Variants in IL1RAPL1 observed in about 807,000 individuals in gnomAD.
IL1RAPL1 encodes interleukin 1 receptor accessory protein like 1, also known as interleukin-1 receptor accessory protein-like 1.
A neutral mutation model predicts 48.4 loss-of-function variants in IL1RAPL1; 3 were observed. That is an observed-to-expected ratio of 0.06 (90% CI 0.03 to 0.16). The LOEUF is 0.16. Ranked by LOEUF, IL1RAPL1 falls within the 10% of genes least tolerant of loss-of-function variation. The pLI, the probability that IL1RAPL1 is intolerant of heterozygous loss-of-function variation, is 1.00. For synonymous variants in IL1RAPL1, 185 were observed against 187.7 expected, an observed-to-expected ratio of 0.99 and a Z score of 0.12; for missense variants, 349 against 530.6, an observed-to-expected ratio of 0.66 and a Z score of 3.36.
chrX:29,770,831 CA>C lies in IL1RAPL1; in HGVS notation c.778+102330del, dbSNP rs1356100728. Among the ~76,000 whole-genome samples, 19 of 112,401 alleles carry C rather than the reference CA, an allele frequency of 1.7e-4. 1 individual carries two copies. In the South Asian group the frequency reaches 4.8e-3, roughly 28 times the overall value. On this transcript the variant is annotated intron_variant, in intron 6 of 10. Transcript: ENST00000378993. ...ATCTCTAACATACAACTTCCAGATT[CA>C]AATTTGCAGATCTACCATTGTTATC...
Position 29,048,487 on chromosome X carries a change from C to G in IL1RAPL1, c.83-234451C>G, listed in dbSNP as rs766840680. On this transcript the variant is annotated intron_variant, in intron 2 of 10. Coordinates refer to ENST00000378993, the MANE Select transcript of IL1RAPL1 (RefSeq NM_014271.4). ...TTTACATATGCTTCTCCATGTGATT[C>G]CAATTTTAGCATACAAATCTTTTAT... 7.2e-5 allele frequency among the ~76,000 whole-genome samples: 8 copies of G among 111,750 alleles called. No individual in the cohort carries two copies. The South Asian group carries it at 3.0e-3, about 42-fold the overall frequency.
intron 6 of IL1RAPL1, among the ~76,000 whole-genome samples, chrX:29,911,310 C>T (rs970604329): frequency 9.0e-6 from 1 of 111,541 alleles, no homozygotes; most frequent in Non-Finnish European, 1.9e-5. Context: ...GAAGTAGATT[C>T]GTAGTTGCTA....
intron 3 of IL1RAPL1, among the ~76,000 whole-genome samples, chrX:29,286,038 T>C (rs1932278963): frequency 8.9e-6 from 1 of 112,153 alleles, no homozygotes; most frequent in Non-Finnish European, 1.9e-5. Context: ...CTGATAAATA[T>C]TCTGAGTATT....
chrX:29,713,489 G>A (rs1260356420), intron 6 of IL1RAPL1, among the ~76,000 whole-genome samples: 1 of 111,888 alleles, frequency 8.9e-6, no homozygotes, highest in East Asian at 2.8e-4. Flanking sequence ...GAGAGCTGGA[G>A]TCCCAGTGTG....
chrX:29,322,547 G>C (rs1932811586), intron 3 of IL1RAPL1, among the ~76,000 whole-genome samples: 1 of 112,415 alleles, frequency 8.9e-6, no homozygotes, highest in Non-Finnish European at 1.9e-5. Context: ...TTACAGGCAT[G>C]AGCCACCACG....
intron 6 of IL1RAPL1, among the ~76,000 whole-genome samples, chrX:29,777,764 A>C (rs1383084346): frequency 9.0e-6 from 1 of 110,773 alleles, no homozygotes; most frequent in Non-Finnish European, 1.9e-5. Context: ...GGTTTTTGCT[A>C]AAAAGTGTTT....
chrX:28,864,102 A>G (rs1026220138), intron 2 of IL1RAPL1, among the ~76,000 whole-genome samples: 4 of 112,168 alleles, frequency 3.6e-5, no homozygotes, highest in African/African-American at 9.7e-5. Context: ...AGAAATATCC[A>G]AAACCTAAAA....
chrX:29,040,337 G>T (rs1177161353), intron 2 of IL1RAPL1, among the ~76,000 whole-genome samples: 1 of 112,258 alleles, frequency 8.9e-6, no homozygotes, highest in Admixed American at 9.5e-5. Flanking sequence ...GGACCCAAAA[G>T]AGTCCTCTTG....
At chrX:29,645,529 CT>C (rs199754025) in intron 5 of IL1RAPL1, among the ~76,000 whole-genome samples, 12,031 of 110,698 alleles carry the variant, frequency 0.11, 1,211 homozygotes, top group African/African-American at 0.31. Context: ...TGACCACTGA[CT>C]CCAGGCTAAA....
intron 3 of IL1RAPL1, among the ~76,000 whole-genome samples, chrX:29,319,150 C>G (rs1932782219): frequency 1.2e-5 from 1 of 83,606 alleles, no homozygotes; most frequent in South Asian, 6.2e-4. Flanking sequence ...TGATATCTGT[C>G]TATCTGTCTG....
chrX:28,593,472 G>T (rs971985578), intron 1 of IL1RAPL1, among the ~76,000 whole-genome samples: 2 of 111,674 alleles, frequency 1.8e-5, no homozygotes, highest in African/African-American at 6.5e-5. Flanking sequence ...GTTTGTTATA[G>T]TTACTATGCT....
intron 1 of IL1RAPL1, among the ~76,000 whole-genome samples, chrX:28,772,572 A>G (rs1402954934): frequency 8.9e-6 from 1 of 111,885 alleles, no homozygotes; most frequent in Non-Finnish European, 1.9e-5. Context: ...TAAGGTGTAA[A>G]CATTGGATAT....
At position 29,348,387 on chromosome X, in the gene IL1RAPL1, G is replaced by A. The variant is rs557794330; in HGVS notation, c.363-47871G>A. Reference sequence around the variant, plus strand: ...AATAGAGGATGTTGCACCTATAATTGTAGTGAGAAAGAAAATGGAAGAGTT... The same window carrying A: ...AATAGAGGATGTTGCACCTATAATTATAGTGAGAAAGAAAATGGAAGAGTT... On this transcript the variant is annotated intron_variant, in intron 3 of 10. Coordinates refer to ENST00000378993, the MANE Select transcript of IL1RAPL1 (RefSeq NM_014271.4). Among the ~76,000 whole-genome samples, 7 of 112,192 alleles carry A rather than the reference G, an allele frequency of 6.2e-5. No individual in the cohort carries two copies. In the East Asian group the frequency reaches 1.4e-3, roughly 22 times the overall value.
chrX:29,442,687 T>G (rs1325176266), intron 5 of IL1RAPL1, among the ~76,000 whole-genome samples: 1 of 109,630 alleles, frequency 9.1e-6, no homozygotes, highest in Non-Finnish European at 1.9e-5. Context: ...GAGACTCTTG[T>G]CTCTGTAGAA....
chrX:29,063,738 T>G (rs961659537), intron 2 of IL1RAPL1, among the ~76,000 whole-genome samples: 3 of 111,421 alleles, frequency 2.7e-5, no homozygotes, highest in African/African-American at 9.8e-5. Flanking sequence ...TTTCTTTAAC[T>G]GAATCATCCC....
At chrX:29,621,919 C>T (rs745967549) in intron 5 of IL1RAPL1, among the ~76,000 whole-genome samples, 3 of 111,667 alleles carry the variant, frequency 2.7e-5, no homozygotes, top group African/African-American at 6.5e-5. Context: ...CTCTCTTTAT[C>T]TCCTTCTCCT....
At chrX:29,334,065 G>A (rs1437509412) in intron 3 of IL1RAPL1, among the ~76,000 whole-genome samples, 1 of 89,655 alleles carries the variant, frequency 1.1e-5, no homozygotes, top group African/African-American at 4.5e-5. Context: ...GGCTGGCCGG[G>A]CGGGGGGCTG....
rs184627497 is a variant in IL1RAPL1 at position 29,494,178 on chromosome X, G to A, written c.703+94870G>A. ...GGCCTCCCAAAGTGCTGGGATTACA[G>A]GCGTAAGCCACCGCGTCCGGCTGCT... On this transcript the variant is annotated intron_variant, in intron 5 of 10. Transcript: ENST00000378993. 1.2e-4 allele frequency among the ~76,000 whole-genome samples: 13 copies of A among 111,921 alleles called. No homozygotes were observed. The South Asian group carries it at 3.0e-3, about 26-fold the overall frequency.
At chrX:29,663,342 G>A (rs1052774619) in intron 5 of IL1RAPL1, among the ~76,000 whole-genome samples, 3 of 112,281 alleles carry the variant, frequency 2.7e-5, no homozygotes, top group Admixed American at 9.4e-5. Context: ...AATATTTTTC[G>A]TGACCAGTTT....
Sources: allele counts gnomAD v4.1 joint callset (sites outside exome capture counted in the v4.1 genomes callset), GRCh38; gene constraint gnomAD v4.1.1; transcripts MANE v1.5; gene names NCBI Gene and HGNC (gene_info 2026-07-23, HGNC 2026-07-21).